The following CMSS1 variants were observed in gnomAD, a reference collection of about 807,000 sequenced individuals.
CMSS1 encodes protein CMSS1.
CMSS1 carries 33 observed loss-of-function variants against 43.5 expected under a neutral mutation model. The observed-to-expected ratio is 0.76, with a 90% confidence interval of 0.57 to 1.01. The LOEUF is 1.01. CMSS1 is among the 50% of genes least tolerant of loss of function. CMSS1 has a pLI of 0.00. For synonymous variants in CMSS1, 115 were observed against 117.2 expected, an observed-to-expected ratio of 0.98 and a Z score of 0.12; for missense variants, 313 against 326.4, an observed-to-expected ratio of 0.96 and a Z score of 0.32.
intron 1 of CMSS1, among the ~76,000 whole-genome samples, chr3:100,124,252 A>G (rs1367140147): frequency 1.3e-5 from 2 of 152,182 alleles, no homozygotes; most frequent in African/African-American, 2.4e-5. Context: ...GATTTTCCAA[A>G]ATAAAAATTC....
intron 1 of CMSS1, among the ~76,000 whole-genome samples, chr3:100,067,379 C>T (rs1473429625): frequency 6.6e-6 from 1 of 151,998 alleles, no homozygotes; most frequent in Non-Finnish European, 1.5e-5. Flanking sequence ...AACTAAGCAC[C>T]CTGGTGAAGG....
intron 1 of CMSS1, among the ~76,000 whole-genome samples, chr3:100,038,893 C>T (rs1223944543): frequency 6.6e-6 from 1 of 151,882 alleles, no homozygotes; most frequent in Non-Finnish European, 1.5e-5. Context: ...TCGTATGCTA[C>T]CTTTTGCATG....
intron 1 of CMSS1, among the ~76,000 whole-genome samples, chr3:99,911,526 A>G (rs1706787479): frequency 6.6e-6 from 1 of 151,948 alleles, no homozygotes; most frequent in Non-Finnish European, 1.5e-5. Flanking sequence ...GTTGTGGCAT[A>G]CAGGGTCTGT....
intron 1 of CMSS1, among the ~76,000 whole-genome samples, chr3:99,929,456 C>T (rs1576579973): frequency 6.6e-6 from 1 of 152,018 alleles, no homozygotes; most frequent in East Asian, 1.9e-4. Context: ...AAAAATTAAC[C>T]TCTATGGTTG....
At chr3:99,847,303 T>C (rs984330310) in intron 1 of CMSS1, among the ~76,000 whole-genome samples, 2 of 151,304 alleles carry the variant, frequency 1.3e-5, no homozygotes, top group African/African-American at 4.8e-5. Flanking sequence ...TAATTCAAAC[T>C]GTTTTGGGAA....
chr3:100,164,550 G>A (rs926296425), intron 4 of CMSS1, among the ~76,000 whole-genome samples: 9 of 152,076 alleles, frequency 5.9e-5, no homozygotes, highest in Non-Finnish European at 8.8e-5. Context: ...TTGAAATAAC[G>A]TTATAACCAA....
At position 99,846,717 on chromosome 3, in the gene CMSS1, A is replaced by G. The variant is rs374250582; in HGVS notation, c.64+28674A>G. The stretch of plus-strand genomic sequence containing the variant: ...GTCAACAAATCCTCGCTTTACTATC[A>G]TGAAATTGATTTTGTAGGGGAAAGG... On this transcript the variant is annotated intron_variant, in intron 1 of 9. Transcript: ENST00000421999. Among the ~76,000 whole-genome samples, 67 of 152,334 alleles carry G rather than the reference A, an allele frequency of 4.4e-4. 1 individual carries two copies. In the South Asian group the frequency reaches 0.013, roughly 31 times the overall value.
At chr3:100,017,500 G>A (rs184885107) in intron 1 of CMSS1, among the ~76,000 whole-genome samples, 167 of 152,314 alleles carry the variant, frequency 1.1e-3, no homozygotes, top group African/African-American at 3.8e-3. Flanking sequence ...CCTACCAAAT[G>A]AGAGTAAGCA....
At chr3:99,853,328 C>T (rs956384842) in intron 1 of CMSS1, among the ~76,000 whole-genome samples, 2 of 152,196 alleles carry the variant, frequency 1.3e-5, no homozygotes, top group Non-Finnish European at 2.9e-5. Context: ...ACAGTTCTTA[C>T]AGTTTTATTA....
intron 1 of CMSS1, chr3:99,850,078 G>A: frequency 6.2e-7 from 1 of 1,612,784 alleles, no homozygotes; most frequent in South Asian, 1.1e-5. Flanking sequence ...AGTAACTGTT[G>A]TTACTTTATT....
At chr3:99,897,988 T>C (rs1031612277) in intron 1 of CMSS1, 4 of 152,240 alleles carry the variant, frequency 2.6e-5, no homozygotes, top group African/African-American at 9.6e-5. Context: ...CCTCCAATTC[T>C]GATTCCTCAT....
intron 1 of CMSS1, among the ~76,000 whole-genome samples, chr3:100,104,525 T>G (rs1042954589): frequency 6.6e-6 from 1 of 152,196 alleles, no homozygotes; most frequent in African/African-American, 2.4e-5. Context: ...AACAATGGCT[T>G]GGAACATAGG....
chr3:100,012,865 C>G (rs1710201422), intron 1 of CMSS1, among the ~76,000 whole-genome samples: 1 of 151,662 alleles, frequency 6.6e-6, no homozygotes, highest in Non-Finnish European at 1.5e-5. Flanking sequence ...CTTCCACCTC[C>G]CAGGCTCAAG....
intron 1 of CMSS1, among the ~76,000 whole-genome samples, chr3:100,070,137 G>T (rs1453269634): frequency 6.6e-6 from 1 of 152,218 alleles, no homozygotes; most frequent in Non-Finnish European, 1.5e-5. Context: ...CAGCTAACAT[G>T]AAGTGCTCTG....
chr3:99,851,061 C>G, intron 1 of CMSS1: 1 of 1,576,994 alleles, frequency 6.3e-7, no homozygotes, highest in East Asian at 2.2e-5. Flanking sequence ...GATCAATTAG[C>G]TTCTTTAATC....
intron 1 of CMSS1, among the ~76,000 whole-genome samples, chr3:99,983,562 T>A (rs1208851315): frequency 7.0e-6 from 1 of 142,354 alleles, no homozygotes; most frequent in Non-Finnish European, 1.5e-5. Flanking sequence ...TGGTGGCAGG[T>A]ACCTGTAATC....
At chr3:99,905,551 A>G (rs146537701) in intron 1 of CMSS1, among the ~76,000 whole-genome samples, 45 of 152,344 alleles carry the variant, frequency 3.0e-4, no homozygotes, top group African/African-American at 1.1e-3. Flanking sequence ...TTATTGAGGT[A>G]TAATTTATTT....
intron 1 of CMSS1, among the ~76,000 whole-genome samples, chr3:99,842,242 C>A (rs186031499): frequency 6.6e-6 from 1 of 152,116 alleles, no homozygotes. Flanking sequence ...AATGGAAAAC[C>A]AAACATTGTA....
At chr3:100,062,195 T>C (rs568997847) in intron 1 of CMSS1, among the ~76,000 whole-genome samples, 1 of 137,342 alleles carries the variant, frequency 7.3e-6, no homozygotes, top group Admixed American at 8.1e-5. Context: ...CACTGCAAGC[T>C]CCGCCTCCCG....
Sources: allele counts gnomAD v4.1 joint callset (sites outside exome capture counted in the v4.1 genomes callset), GRCh38; gene constraint gnomAD v4.1.1; transcripts MANE v1.5; gene names NCBI Gene and HGNC (gene_info 2026-07-23, HGNC 2026-07-21).